SNTG1: variants seen among roughly 807,000 people sequenced by gnomAD.
SNTG1 encodes the protein gamma-1-syntrophin.
Under a neutral mutation model 74.7 loss-of-function variants are expected in SNTG1, and 39 were observed. The observed-to-expected ratio is 0.52, with a 90% confidence interval of 0.40 to 0.68. SNTG1 has a LOEUF of 0.68. SNTG1 is among the 30% of genes least tolerant of loss of function. The pLI is 0.00. For synonymous variants in SNTG1, 254 were observed against 217.1 expected (o/e 1.17, Z -1.49); for missense variants, 685 against 609.5 (o/e 1.12, Z -1.30).
intron 1 of SNTG1, among the ~76,000 whole-genome samples, chr8:49,973,145 A>G (rs920059204): frequency 2.0e-5 from 3 of 152,358 alleles, no homozygotes; most frequent in African/African-American, 7.2e-5. Flanking sequence ...CTGGATTAAG[A>G]AAATGTGGCA....
At chr8:49,971,904 T>G (rs1413946022) in intron 1 of SNTG1, among the ~76,000 whole-genome samples, 1 of 152,124 alleles carries the variant, frequency 6.6e-6, no homozygotes, top group Non-Finnish European at 1.5e-5. Flanking sequence ...TGCTCATGGG[T>G]AGGAAGAATC....
chr8:50,371,328 C>T (rs903050369), intron 2 of SNTG1, among the ~76,000 whole-genome samples: 1 of 152,150 alleles, frequency 6.6e-6, no homozygotes, highest in Non-Finnish European at 1.5e-5. Context: ...GTCATCAGGC[C>T]TCAGCAAGCC....
intron 18 of SNTG1, among the ~76,000 whole-genome samples, chr8:50,783,945 A>G (rs932278723): frequency 6.6e-6 from 1 of 152,230 alleles, no homozygotes; most frequent in Non-Finnish European, 1.5e-5. Flanking sequence ...CAAATCTTAC[A>G]TAAACATTAT....
chr8:50,022,708 G>A (rs775540885), intron 1 of SNTG1, among the ~76,000 whole-genome samples: 2 of 152,156 alleles, frequency 1.3e-5, no homozygotes, highest in African/African-American at 2.4e-5. Context: ...TTTTCAGGAG[G>A]CACTGAGCTG....
At chr8:50,490,096 T>C (rs2093837787) in intron 8 of SNTG1, among the ~76,000 whole-genome samples, 1 of 152,228 alleles carries the variant, frequency 6.6e-6, no homozygotes, top group Non-Finnish European at 1.5e-5. Flanking sequence ...TGTAGCATTA[T>C]TTCTGAGGTC....
chr8:50,344,711 G>A (rs1417006699), intron 2 of SNTG1, among the ~76,000 whole-genome samples: 1 of 152,112 alleles, frequency 6.6e-6, no homozygotes. Context: ...TGTGGCCAAG[G>A]CTTCTCAAAA....
At chr8:49,979,863 C>T (rs1812521649) in intron 1 of SNTG1, among the ~76,000 whole-genome samples, 1 of 152,216 alleles carries the variant, frequency 6.6e-6, no homozygotes, top group Admixed American at 6.5e-5. Flanking sequence ...CAGGCAGATG[C>T]ACATGGTTAT....
intron 1 of SNTG1, among the ~76,000 whole-genome samples, chr8:49,957,849 C>A (rs1408231789): frequency 6.6e-6 from 1 of 151,930 alleles, no homozygotes. Flanking sequence ...GCCTGTAGTC[C>A]CAGCTACTCA....
chr8:49,971,308 T>A (rs6999827), intron 1 of SNTG1, among the ~76,000 whole-genome samples: 7,364 of 151,952 alleles, frequency 0.048, 603 homozygotes, highest in African/African-American at 0.16. Flanking sequence ...CTTTGAAAAA[T>A]TTCAACAACC....
intron 2 of SNTG1, among the ~76,000 whole-genome samples, chr8:50,186,626 G>A (rs928333253): frequency 7.9e-5 from 12 of 152,064 alleles, no homozygotes; most frequent in African/African-American, 2.9e-4. Context: ...AATGATCAGT[G>A]ATAATGAGCT....
intron 17 of SNTG1, among the ~76,000 whole-genome samples, chr8:50,743,233 T>C (rs2095547559): frequency 6.6e-6 from 1 of 151,864 alleles, no homozygotes; most frequent in South Asian, 2.1e-4. Context: ...TCCTAATGAA[T>C]ATTAATTTAA....
chr8:50,423,377 C>T lies in SNTG1; in HGVS notation c.163-15166C>T, dbSNP rs556896217. Reference sequence around the variant, plus strand: ...CAAAAAACAATCATAAAAATCCTCTCATTTCTCCTGGTTCTGAATTCTGCA... The same window carrying T: ...CAAAAAACAATCATAAAAATCCTCTTATTTCTCCTGGTTCTGAATTCTGCA... On this transcript the variant is annotated intron_variant, in intron 4 of 18. Transcript: ENST00000642720. 2.6e-5 allele frequency among the ~76,000 whole-genome samples: 4 copies of T among 152,334 alleles called. No homozygotes were observed. The South Asian group carries it at 6.2e-4, about 24-fold the overall frequency.
intron 17 of SNTG1, among the ~76,000 whole-genome samples, chr8:50,737,867 G>A (rs934233488): frequency 2.6e-5 from 4 of 152,018 alleles, no homozygotes; most frequent in Non-Finnish European, 5.9e-5. Context: ...CACCCTTCAT[G>A]CTAAAACCCC....
chr8:50,660,606 A>T (rs1218744300), intron 15 of SNTG1, among the ~76,000 whole-genome samples: 1 of 152,088 alleles, frequency 6.6e-6, no homozygotes, highest in East Asian at 1.9e-4. Flanking sequence ...AACTTTTATC[A>T]TAGTAATAAC....
intron 1 of SNTG1, among the ~76,000 whole-genome samples, chr8:50,100,477 TAC>T (rs1472841366): frequency 1.3e-5 from 2 of 152,106 alleles, no homozygotes; most frequent in African/African-American, 2.4e-5. Flanking sequence ...ACATGCTGAT[TAC>T]CCTGATTTGA....
At chr8:50,061,923 T>C (rs1015892999) in intron 1 of SNTG1, among the ~76,000 whole-genome samples, 1 of 152,214 alleles carries the variant, frequency 6.6e-6, no homozygotes, top group African/African-American at 2.4e-5. Flanking sequence ...TTTTAAAATA[T>C]GTATTCTGCT....
chr8:50,003,233 G>A (rs907214289), intron 1 of SNTG1, among the ~76,000 whole-genome samples: 5 of 152,120 alleles, frequency 3.3e-5, no homozygotes, highest in Non-Finnish European at 1.5e-5. Context: ...AAAAGGTGAA[G>A]CTGATGATAT....
chr8:50,121,192 C>T (rs2080988377), intron 1 of SNTG1, among the ~76,000 whole-genome samples: 1 of 142,310 alleles, frequency 7.0e-6, no homozygotes, highest in African/African-American at 2.5e-5. Context: ...ACAGCATTGT[C>T]AGAGTTAAAA....
intron 8 of SNTG1, among the ~76,000 whole-genome samples, chr8:50,461,807 T>C (rs1295266122): frequency 6.6e-6 from 1 of 152,158 alleles, no homozygotes; most frequent in African/African-American, 2.4e-5. Context: ...ATATATTTCC[T>C]GCCAGTCTAA....
Sources: gnomAD v4.1 joint callset for allele counts (sites outside exome capture counted in the v4.1 genomes callset) on GRCh38, gnomAD v4.1.1 for gene constraint, MANE v1.5 for transcripts, NCBI Gene and HGNC (gene_info 2026-07-23, HGNC 2026-07-21) for gene names.